Variants in PGAP3 observed in about 807,000 individuals in gnomAD.
The protein encoded by PGAP3 is GPI-specific phospholipase A2-like PGAP3.
Under a neutral mutation model 40.3 loss-of-function variants are expected in PGAP3, and 31 were observed. The observed-to-expected ratio is 0.77, with a 90% CI of 0.58 to 1.04. The LOEUF (loss-of-function observed/expected upper bound fraction) is 1.04, where lower values mean the gene tolerates loss of function less well. PGAP3 is among the 50% of genes least tolerant of loss of function. PGAP3 has a pLI of 0.00. For missense variants in PGAP3, 413 were observed against 423.0 expected (o/e 0.98, Z 0.21); for synonymous variants, 191 against 184.5 (o/e 1.04, Z -0.29).
In PGAP3 at chr17:39,673,089, C is replaced by A. The variant is rs869312813; in HGVS notation, c.861G>T (p.Trp287Cys). The change falls in exon 7 of 8, where the codon TGG (tryptophan) becomes TGT (cysteine). Residue 287 changes from tryptophan to cysteine, a missense_variant. By Grantham distance (215) the Trp-to-Cys change is radical. Transcript: ENST00000300658. ...CGTGGACAGGGATGGTGCTGATGTG[C>A]CAGATGGCATGGGCATCCAGGACCC... ...LFWVLDAHAI[W>C]HISTIPVHVL... 1.2e-6 allele frequency: 2 copies of A among 1,609,070 alleles called. No homozygotes were observed. Among genetic ancestry groups the A allele is most frequent in the Non-Finnish European group, 1.7e-6 (2 of 1,178,172 alleles).
intron 3 of PGAP3, among the ~76,000 whole-genome samples, chr17:39,680,898 G>A (rs552557144): frequency 2.6e-5 from 4 of 151,610 alleles, no homozygotes; most frequent in East Asian, 1.9e-4. Flanking sequence ...TTTGTCACCC[G>A]GGCTAGAGCA....
chr17:39,687,775 G>A, intron 1 of PGAP3, 59 bp downstream of exon 1: 2 of 1,261,482 alleles, frequency 1.6e-6, no homozygotes, highest in Middle Eastern at 2.6e-4. Context: ...GGCGTATTGG[G>A]GGCGCAGGGG....
rs748193901 is a variant in PGAP3 at position 39,673,636 on chromosome 17, T to C, written c.572A>G (p.Gln191Arg). Residue 191 changes from glutamine (Q) to arginine (R), a missense_variant, in exon 6 of 8, where the codon CAG becomes CGG. Physicochemically the swap from Gln to Arg is conservative, Grantham distance 43. Transcript: ENST00000300658. ...YLCCVRTVGL[Q>R]HPAVVSAFRA... Reference sequence around the variant, plus strand: ...GAAGGCACTGACCACAGCTGGGTGCTGCAGCCCCACGGTCCTGCCCCACCG... The same window carrying C: ...GAAGGCACTGACCACAGCTGGGTGCCGCAGCCCCACGGTCCTGCCCCACCG... 1 of 1,614,008 alleles carries C rather than the reference T, an allele frequency of 6.2e-7. No homozygotes were observed. Among genetic ancestry groups the C allele is most frequent in the East Asian group, 2.2e-5 (1 of 44,876 alleles).
Position 39,672,585 on chromosome 17 carries a change from C to T in PGAP3, c.*218G>A. 2 of 600,948 alleles carry T rather than the reference C, an allele frequency of 3.3e-6. No individual in the cohort carries two copies. The highest frequency in any genetic ancestry group is 2.8e-5 in the East Asian group (1 of 36,076). The allele number at this position is 600,948 out of a possible 1,614,324, so 37.2% of individuals were successfully genotyped here. A position where few individuals can be genotyped will look rare whatever the true frequency, so the allele number is the denominator to read the frequency against. ...CTCCAGGAGGTAGAGGGGCTGCCCA[C>T]TCTCGAGTCCCAGATGCTGGGAGGC... On this transcript the variant is annotated 3_prime_UTR_variant, in exon 8 of 8. Transcript: ENST00000300658.
At position 39,671,270 on chromosome 17, in the gene PGAP3, TCA is replaced by T. The variant is rs1368015272; in HGVS notation, c.*1531_*1532del. On this transcript the variant is annotated 3_prime_UTR_variant, in exon 8 of 8. Coordinates refer to ENST00000300658, the MANE Select transcript of PGAP3 (RefSeq NM_033419.5). ...CCCTCCCTCAAAGAGGGACAAGGGG[TCA>T]GGGGCAGAGCAAAAATCCAGTCTGC... The T allele has an allele frequency of 7.9e-5, 12 of 152,012 alleles. No individual in the cohort carries two copies. The highest frequency in any genetic ancestry group is 2.9e-4 in the African/African-American group (12 of 41,296). 9.4% of individuals were successfully genotyped at this position (152,012 alleles called of 1,614,324 possible). A position where few individuals can be genotyped will look rare whatever the true frequency, so the allele number is the denominator to read the frequency against.
chr17:39,684,532 T>C (rs542852797), intron 3 of PGAP3, 65 bp downstream of exon 3: 6 of 1,501,302 alleles, frequency 4.0e-6, no homozygotes, highest in African/African-American at 2.8e-5. Flanking sequence ...TGGGTGTTAA[T>C]AGGGATGTAG....
chr17:39,688,053 A>G lies in PGAP3; in HGVS notation c.-39T>C. ...CTCGCCGCCGGGGGAGGAGCTTAGGAGTATGAAGCTTCCACTTCCGGAGTA... is the reference window on the plus strand; with the variant it reads ...CTCGCCGCCGGGGGAGGAGCTTAGGGGTATGAAGCTTCCACTTCCGGAGTA... On this transcript the variant is annotated 5_prime_UTR_variant, in exon 1 of 8. Coordinates refer to ENST00000300658, the MANE Select transcript of PGAP3 (RefSeq NM_033419.5). 1 of 1,326,950 alleles carries G rather than the reference A, an allele frequency of 7.5e-7. No homozygotes were observed. Among genetic ancestry groups the G allele is most frequent in the South Asian group, 1.9e-5 (1 of 52,608 alleles). 82.2% of individuals were successfully genotyped at this position (1,326,950 alleles called of 1,614,324 possible).
chr17:39,683,696 C>T (rs1368279984), intron 3 of PGAP3, among the ~76,000 whole-genome samples: 1 of 152,208 alleles, frequency 6.6e-6, no homozygotes. Flanking sequence ...TCCATATCTG[C>T]ACCCCAGTCT....
At position 39,673,241 on chromosome 17, in the gene PGAP3, C is replaced by G; in HGVS notation, c.709G>C (p.Val237Leu). 1 of 1,560,082 alleles carries G rather than the reference C, an allele frequency of 6.4e-7. No individual in the cohort carries two copies. Among genetic ancestry groups the G allele is most frequent in the South Asian group, 1.2e-5 (1 of 85,300 alleles). ...CACAGGCACCAGGCCAGCCACCACACCACGTTGACCAGGCCTGGGTGCCAG... is the reference window on the plus strand; with the variant it reads ...CACAGGCACCAGGCCAGCCACCACAGCACGTTGACCAGGCCTGGGTGCCAG... ...ANVAIGLVNVVWWLAWCLWNQ... is the reference protein window; with the variant it reads ...ANVAIGLVNVLWWLAWCLWNQ... Residue 237 changes from valine (V) to leucine (L), a missense_variant, in exon 7 of 8, where the codon GTG becomes CTG. Val to Leu is a conservative substitution (Grantham distance 32, BLOSUM62 1). Coordinates refer to ENST00000300658, the MANE Select transcript of PGAP3 (RefSeq NM_033419.5).
At chr17:39,675,097 G>C (rs2057359880) in intron 3 of PGAP3, among the ~76,000 whole-genome samples, 1 of 152,106 alleles carries the variant, frequency 6.6e-6, no homozygotes, top group Non-Finnish European at 1.5e-5. Context: ...GCGGGAATGA[G>C]GTGGGTGGGG....
chr17:39,687,910 C>G lies in PGAP3; in HGVS notation c.105G>C (p.Gln35His). ...CCCCAGAGCAGTTCTGCTCTTCGCA[C>G]TGCAGTACGCAGTCGCGGTACACCG... ...REPVYRDCVL[Q>H]CEEQNCSGGA... The change falls in exon 1 of 8, where the codon CAG (glutamine) becomes CAC (histidine). Residue 35 changes from glutamine to histidine, a missense_variant. By Grantham distance (24) the Gln-to-His change is conservative (BLOSUM62 0). Coordinates refer to ENST00000300658, the MANE Select transcript of PGAP3 (RefSeq NM_033419.5). 2 of 1,514,862 alleles carry G rather than the reference C, an allele frequency of 1.3e-6. No individual in the cohort carries two copies. The highest frequency in any genetic ancestry group is 1.8e-6 in the Non-Finnish European group (2 of 1,121,652). 93.8% of individuals were successfully genotyped at this position (1,514,862 alleles called of 1,614,324 possible).
intron 3 of PGAP3, among the ~76,000 whole-genome samples, chr17:39,678,104 A>C (rs732084): frequency 0.58 from 88,347 of 151,690 alleles, 26,685 homozygotes; most frequent in South Asian, 0.7. Context: ...GCTTTTTCCA[A>C]GATCCCAGAG....
chr17:39,682,424 A>T (rs556570374), intron 3 of PGAP3, among the ~76,000 whole-genome samples: 5 of 152,062 alleles, frequency 3.3e-5, no homozygotes, highest in Non-Finnish European at 7.4e-5. Context: ...TTGGCTCTAT[A>T]AGTAAGTTTG....
intron 7 of PGAP3, 81 bp downstream of exon 7, chr17:39,672,970 C>A (rs765996320): frequency 3.2e-6 from 5 of 1,578,034 alleles, no homozygotes; most frequent in Non-Finnish European, 4.3e-6. Context: ...CGGATGGGCA[C>A]ACAGAGCCCC....
intron 3 of PGAP3, among the ~76,000 whole-genome samples, chr17:39,678,434 C>T (rs1192568930): frequency 5.3e-5 from 8 of 152,226 alleles, no homozygotes; most frequent in Non-Finnish European, 7.3e-5. Flanking sequence ...ACATGGTATG[C>T]GGAGCTTTGG....
At chr17:39,681,834 A>C (rs1354147561) in intron 3 of PGAP3, among the ~76,000 whole-genome samples, 1 of 152,034 alleles carries the variant, frequency 6.6e-6, no homozygotes, top group Non-Finnish European at 1.5e-5. Flanking sequence ...AAGGTAACTG[A>C]TAGGTCCCAA....
Position 39,674,607 on chromosome 17 carries a change from G to A in PGAP3, c.495+10C>T, listed in dbSNP as rs369379306. 1.1e-4 allele frequency: 165 copies of A among 1,549,604 alleles called. 1 individual carries two copies. In the African/African-American group the frequency reaches 1.8e-3, roughly 17 times the overall value. On this transcript the variant is annotated intron_variant, in intron 4 of 7. Coordinates refer to ENST00000300658, the MANE Select transcript of PGAP3 (RefSeq NM_033419.5). ...CCCTGTGCAGGAGGGGGAGCTGGAG[G>A]AATGCTCACCTCTGTGAGGTCAGTG... is the stretch of plus-strand genomic sequence containing the variant.
chr17:39,673,789 GGGCAGCAAGTGCTACAGCTCCTT>G, intron 5 of PGAP3, 139 bp from the exon 6 acceptor site: 1 of 1,305,288 alleles, frequency 7.7e-7, no homozygotes, highest in Non-Finnish European at 1.1e-6. Context: ...GGCCACAGCT[GGGCAGCAAGTGCTACAGCTCCTT>G]GTCAGGAGCC....
intron 1 of PGAP3, 71 bp downstream of exon 1, chr17:39,687,763 G>C: frequency 2.5e-6 from 3 of 1,188,376 alleles, no homozygotes; most frequent in Non-Finnish European, 3.3e-6. Flanking sequence ...AGGGATTGCA[G>C]AGGCGTATTG....
Sources: allele counts gnomAD v4.1 joint callset (sites outside exome capture counted in the v4.1 genomes callset), GRCh38; gene constraint gnomAD v4.1.1; transcripts MANE v1.5; gene names NCBI Gene and HGNC (gene_info 2026-07-23, HGNC 2026-07-21).